Variants in CREB5 observed in about 807,000 individuals in gnomAD.
The protein encoded by CREB5 is cyclic AMP-responsive element-binding protein 5.
CREB5 carries 19 observed loss-of-function variants against 57.1 expected under a neutral mutation model. The ratio of observed to expected loss-of-function variants is 0.33; its 90% confidence interval spans 0.23 to 0.49. The LOEUF (loss-of-function observed/expected upper bound fraction) is 0.49, where lower values mean the gene tolerates loss of function less well. Ranked by LOEUF, CREB5 falls within the 20% of genes least tolerant of loss-of-function variation. The probability of loss-of-function intolerance (pLI) is 0.99; values close to 1 mark genes in which losing one functional copy is unlikely to be tolerated. For missense variants in CREB5, 579 were observed against 671.6 expected, an observed-to-expected ratio of 0.86 and a Z score of 1.52; for synonymous variants, 238 against 238.3, an observed-to-expected ratio of 1.00 and a Z score of 0.01.
chr7:28,660,456 C>A (rs1799565229), intron 5 of CREB5, among the ~76,000 whole-genome samples: 1 of 142,044 alleles, frequency 7.0e-6, no homozygotes, highest in African/African-American at 2.7e-5. Context: ...CAACGGTAAG[C>A]AAAAGCAGAG....
intron 1 of CREB5, among the ~76,000 whole-genome samples, chr7:28,370,980 A>G (rs1786694959): frequency 6.6e-6 from 1 of 152,220 alleles, no homozygotes; most frequent in Non-Finnish European, 1.5e-5. Context: ...AGGCCTGGGA[A>G]TGAGTTCTTC....
rs539116805 is a variant in CREB5, at chr7:28,623,815, G to A, written c.464+53278G>A. On this transcript the variant is annotated intron_variant, in intron 5 of 10. Coordinates refer to ENST00000357727, the MANE Select transcript of CREB5 (RefSeq NM_182898.4). ...GAGGAGTTTTGTGGTATGCAAGTAA[G>A]AGAATCTTTTTGATTTTGAATAAAA... Among the ~76,000 whole-genome samples, 984 of 152,286 alleles carry A rather than the reference G, an allele frequency of 6.5e-3. 9 individuals are homozygous for A. Among genetic ancestry groups the A allele is most frequent in the Non-Finnish European group, 0.011 (732 of 68,004 alleles).
intron 1 of CREB5, among the ~76,000 whole-genome samples, chr7:28,380,333 G>C (rs907240160): frequency 6.6e-6 from 1 of 152,116 alleles, no homozygotes; most frequent in East Asian, 1.9e-4. Context: ...GCTATCCTTC[G>C]TGGAGGCTGC....
intron 1 of CREB5, among the ~76,000 whole-genome samples, chr7:28,306,546 G>GTTTTTTGTTTTTTTTTTTTTT (rs1785187073): frequency 2.1e-5 from 2 of 93,494 alleles, no homozygotes; most frequent in Non-Finnish European, 3.7e-5. Flanking sequence ...ATACAGTTTT[G>GTTTTTTGTTTTTTTTTTTTTT]TTTTTTTTGT....
intron 1 of CREB5, among the ~76,000 whole-genome samples, chr7:28,404,910 C>G (rs949050856): frequency 6.6e-6 from 1 of 152,176 alleles, no homozygotes; most frequent in Non-Finnish European, 1.5e-5. Context: ...AATGTGGGTT[C>G]TTTTCTCATC....
chr7:28,568,416 G>A (rs1795564606), intron 4 of CREB5, among the ~76,000 whole-genome samples: 1 of 152,118 alleles, frequency 6.6e-6, no homozygotes, highest in South Asian at 2.1e-4. Context: ...GGTACCTATA[G>A]TTTCTGACCT....
intron 5 of CREB5, among the ~76,000 whole-genome samples, chr7:28,674,163 T>C (rs1056477413): frequency 6.6e-6 from 1 of 152,116 alleles, no homozygotes; most frequent in African/African-American, 2.4e-5. Context: ...GATCTTCAAA[T>C]TTTCTGCATT....
chr7:28,433,613 A>G (rs968512161), intron 1 of CREB5, among the ~76,000 whole-genome samples: 4 of 152,188 alleles, frequency 2.6e-5, no homozygotes, highest in Non-Finnish European at 5.9e-5. Flanking sequence ...CTGGGATTAC[A>G]GGCATGTGCC....
At chr7:28,506,434 A>G (rs1216330535) in intron 3 of CREB5, among the ~76,000 whole-genome samples, 3 of 152,186 alleles carry the variant, frequency 2.0e-5, no homozygotes, top group African/African-American at 4.8e-5. Flanking sequence ...TCAAGCTGGG[A>G]AAATGCCATA....
At chr7:28,384,130 G>C (rs1384805065) in intron 1 of CREB5, among the ~76,000 whole-genome samples, 1 of 152,092 alleles carries the variant, frequency 6.6e-6, no homozygotes, top group Non-Finnish European at 1.5e-5. Flanking sequence ...TATCGTTTAA[G>C]GTTAGCAGCC....
At chr7:28,378,862 C>T (rs556054612) in intron 1 of CREB5, among the ~76,000 whole-genome samples, 12 of 152,290 alleles carry the variant, frequency 7.9e-5, no homozygotes, top group Non-Finnish European at 1.0e-4. Context: ...ATGTCAAATT[C>T]GTTGCTGAAA....
At chr7:28,319,763 T>G (rs1347878143) in intron 1 of CREB5, among the ~76,000 whole-genome samples, 1 of 152,064 alleles carries the variant, frequency 6.6e-6, no homozygotes, top group African/African-American at 2.4e-5. Flanking sequence ...TCAAGTGTTA[T>G]CCCATGTGCT....
chr7:28,742,846 G>C (rs565280803), intron 7 of CREB5, among the ~76,000 whole-genome samples: 4 of 151,982 alleles, frequency 2.6e-5, no homozygotes, highest in African/African-American at 9.7e-5. Context: ...GCAATGGTGC[G>C]ATCTTGGCTC....
rs184188383 is a variant in CREB5, at chr7:28,527,518, C to T, written c.291+19781C>T. ...GGACCACACTTTGAAGACCACTGGT[C>T]TAAAAATTCTCTTGACAGCCAGGTG... On this transcript the variant is annotated intron_variant, in intron 4 of 10. Coordinates refer to ENST00000357727, the MANE Select transcript of CREB5 (RefSeq NM_182898.4). Among the ~76,000 whole-genome samples the T allele has an allele frequency of 3.3e-3, 507 of 152,314 alleles. 1 individual carries two copies. Among genetic ancestry groups the T allele is most frequent in the Non-Finnish European group, 4.6e-3 (315 of 68,026 alleles).
intron 1 of CREB5, among the ~76,000 whole-genome samples, chr7:28,310,744 T>C (rs1184979028): frequency 2.6e-5 from 4 of 152,262 alleles, no homozygotes; most frequent in African/African-American, 9.6e-5. Flanking sequence ...TGAATTATTT[T>C]AAAAGACTGA....
intron 1 of CREB5, among the ~76,000 whole-genome samples, chr7:28,386,410 T>C (rs2066244090): frequency 6.6e-6 from 1 of 152,202 alleles, no homozygotes; most frequent in Non-Finnish European, 1.5e-5. Context: ...GGTTTAACTA[T>C]CCTTATTTTA....
At chr7:28,560,901 C>CGTGGAACCGT (rs1368518820) in intron 4 of CREB5, among the ~76,000 whole-genome samples, 2 of 21,650 alleles carry the variant, frequency 9.2e-5, no homozygotes, top group African/African-American at 1.4e-4. Flanking sequence ...TGTGTGCGTG[C>CGTGGAACCGT]GCGCGTGCGT....
chr7:28,382,424 A>G (rs1410777636), intron 1 of CREB5, among the ~76,000 whole-genome samples: 3 of 149,262 alleles, frequency 2.0e-5, no homozygotes, highest in Admixed American at 2.0e-4. Flanking sequence ...GAGAATAATT[A>G]ATGCAATGAT....
intron 1 of CREB5, among the ~76,000 whole-genome samples, chr7:28,303,082 C>T (rs573539893): frequency 2.0e-4 from 29 of 145,832 alleles, no homozygotes; most frequent in African/African-American, 6.6e-4. Context: ...GCAGAGGTTG[C>T]GGTGAGCCAA....
Sources: gnomAD v4.1 joint callset for allele counts (sites outside exome capture counted in the v4.1 genomes callset) on GRCh38, gnomAD v4.1.1 for gene constraint, MANE v1.5 for transcripts, NCBI Gene and HGNC (gene_info 2026-07-23, HGNC 2026-07-21) for gene names.